The following RGS7 variants were observed in gnomAD, a reference collection of about 807,000 sequenced individuals.
RGS7 encodes the protein regulator of G-protein signaling 7.
In RGS7, 27 loss-of-function variants were observed where a neutral mutation model predicts 81.1. That is an observed-to-expected ratio of 0.33 (90% CI 0.25 to 0.46). RGS7 has a LOEUF of 0.46. RGS7 is among the 20% of genes least tolerant of loss of function. The pLI is 1.00. For missense variants in RGS7, 396 were observed against 607.4 expected (o/e 0.65, Z 3.66); for synonymous variants, 208 against 207.7 (o/e 1.00, Z -0.01).
chr1:240,843,634 G>A (rs1658527458), intron 9 of RGS7, among the ~76,000 whole-genome samples: 1 of 152,170 alleles, frequency 6.6e-6, no homozygotes, highest in Admixed American at 6.5e-5. Context: ...TCCAGTTATT[G>A]ATTGTGAGGA....
intron 2 of RGS7, among the ~76,000 whole-genome samples, chr1:241,245,812 A>C (rs1168635368): frequency 1.4e-5 from 2 of 139,210 alleles, no homozygotes; most frequent in Non-Finnish European, 3.1e-5. Flanking sequence ...ACCTCAAAAA[A>C]CAAACAAACA....
At chr1:241,252,709 C>T (rs1460036895) in intron 2 of RGS7, among the ~76,000 whole-genome samples, 1 of 152,186 alleles carries the variant, frequency 6.6e-6, no homozygotes, top group African/African-American at 2.4e-5. Flanking sequence ...CCACATGCAA[C>T]CACACATAGC....
At chr1:241,044,595 A>AT (rs1336291746) in intron 3 of RGS7, among the ~76,000 whole-genome samples, 1 of 150,712 alleles carries the variant, frequency 6.6e-6, no homozygotes, top group African/African-American at 2.5e-5. Flanking sequence ...CTAATTTTAA[A>AT]ATTTATTTAT....
chr1:241,230,218 T>G (rs1259955600), intron 2 of RGS7, among the ~76,000 whole-genome samples: 1 of 152,090 alleles, frequency 6.6e-6, no homozygotes, highest in East Asian at 1.9e-4. Flanking sequence ...TTTTATTTAT[T>G]TATTTATTTA....
chr1:241,057,477 T>C (rs1436007362), intron 3 of RGS7, among the ~76,000 whole-genome samples: 1 of 152,186 alleles, frequency 6.6e-6, no homozygotes, highest in Non-Finnish European at 1.5e-5. Flanking sequence ...TTCTCCTATT[T>C]TACATATGAG....
At chr1:240,776,965 A>G (rs894534084) in intron 18 of RGS7, among the ~76,000 whole-genome samples, 5 of 152,214 alleles carry the variant, frequency 3.3e-5, no homozygotes, top group Non-Finnish European at 7.3e-5. Context: ...TTGTAAGTCA[A>G]CAGTGTTGCT....
intron 2 of RGS7, among the ~76,000 whole-genome samples, chr1:241,173,707 G>A (rs2070898430): frequency 6.6e-6 from 1 of 152,188 alleles, no homozygotes; most frequent in Non-Finnish European, 1.5e-5. Context: ...CTTGAGCCTA[G>A]GAATTTGAGG....
intron 18 of RGS7, among the ~76,000 whole-genome samples, chr1:240,797,916 G>C (rs1687339031): frequency 6.6e-6 from 1 of 152,106 alleles, no homozygotes; most frequent in South Asian, 2.1e-4. Flanking sequence ...CCCCAATGCG[G>C]GCATTACACA....
At chr1:240,775,005 G>A (rs376151953), downstream of RGS7, among the ~76,000 whole-genome samples, 22 of 152,210 alleles carry the variant, frequency 1.4e-4, 2 homozygotes, top group Admixed American at 5.9e-4. Flanking sequence ...TTAGTGACTT[G>A]AGCATCTGTG....
intron 9 of RGS7, among the ~76,000 whole-genome samples, chr1:240,830,200 A>T (rs747858051): frequency 6.6e-6 from 1 of 152,226 alleles, no homozygotes; most frequent in Non-Finnish European, 1.5e-5. Flanking sequence ...TGTGGCAGTC[A>T]AGCCATCCGG....
At chr1:240,903,861 T>A (rs1670404866) in intron 6 of RGS7, among the ~76,000 whole-genome samples, 1 of 152,164 alleles carries the variant, frequency 6.6e-6, no homozygotes, top group African/African-American at 2.4e-5. Flanking sequence ...TGCAATGTGA[T>A]CTCTGCACGT....
In RGS7 at chr1:241,271,687, A is replaced by G. The variant is rs888731097; in HGVS notation, c.78+84012T>C. ...GGCCTGAACAGAACAGAAAGGTGGA[A>G]GAAGTAAGGATTCTCTCTCTGCTGG... On this transcript the variant is annotated intron_variant, in intron 2 of 18. Transcript: ENST00000440928. The surrounding 1 kb of genome is among the most constrained non-coding windows in gnomAD (Gnocchi z 4.6). 2.0e-5 allele frequency among the ~76,000 whole-genome samples: 3 copies of G among 152,212 alleles called. No homozygotes were observed. The highest frequency in any genetic ancestry group is 4.4e-5 in the Non-Finnish European group (3 of 68,030).
intron 2 of RGS7, among the ~76,000 whole-genome samples, chr1:241,218,396 G>A (rs138021960): frequency 3.5e-4 from 54 of 152,238 alleles, no homozygotes; most frequent in Middle Eastern, 3.4e-3. Context: ...TTTCCCTAAC[G>A]TATTTTAGAG....
intron 2 of RGS7, among the ~76,000 whole-genome samples, chr1:241,214,144 G>A (rs1195913055): frequency 6.6e-6 from 1 of 152,016 alleles, no homozygotes; most frequent in Non-Finnish European, 1.5e-5. Flanking sequence ...TTTCTATCTG[G>A]TATCATTTCC....
chr1:240,920,208 G>A (rs1673274628), intron 6 of RGS7: 2 of 1,130,066 alleles, frequency 1.8e-6, no homozygotes, highest in Non-Finnish European at 2.7e-6. Context: ...GCAAGAGATA[G>A]CTAGTGCTTC....
Position 241,185,159 on chromosome 1 carries a change from A to G in RGS7, c.79-86397T>C, listed in dbSNP as rs151274207. ...ACTTTGAGAACCACTAGTCAGGTCTAAGGACATCACAAGAAACTGTCCACA... is the reference window on the plus strand; with the variant it reads ...ACTTTGAGAACCACTAGTCAGGTCTGAGGACATCACAAGAAACTGTCCACA... On this transcript the variant is annotated intron_variant, in intron 2 of 18. Transcript: ENST00000440928. 2.5e-4 allele frequency among the ~76,000 whole-genome samples: 38 copies of G among 152,306 alleles called. No homozygotes were observed. In the East Asian group the frequency reaches 7.1e-3, roughly 29 times the overall value.
chr1:240,825,026 A>C (rs769227586), intron 10 of RGS7, among the ~76,000 whole-genome samples: 9 of 152,154 alleles, frequency 5.9e-5, no homozygotes, highest in Non-Finnish European at 1.2e-4. Context: ...GAGGTAACAA[A>C]TTCCTACTGT....
intron 6 of RGS7, among the ~76,000 whole-genome samples, chr1:240,881,543 G>C (rs1392454039): frequency 6.6e-6 from 1 of 151,864 alleles, no homozygotes; most frequent in Non-Finnish European, 1.5e-5. Context: ...TCAAATAAAG[G>C]TATTTTAAAT....
chr1:240,997,564 C>T (rs939459445), intron 3 of RGS7, among the ~76,000 whole-genome samples: 1 of 152,180 alleles, frequency 6.6e-6, no homozygotes, highest in East Asian at 1.9e-4. Context: ...GTGGCTCACA[C>T]CTGTAATCTC....
Sources: allele counts gnomAD v4.1 joint callset (sites outside exome capture counted in the v4.1 genomes callset), GRCh38; gene constraint gnomAD v4.1.1; non-coding constraint Gnocchi (gnomAD v3.1); transcripts MANE v1.5; gene names NCBI Gene and HGNC (gene_info 2026-07-23, HGNC 2026-07-21).